Variants in SCFD2 observed in about 807,000 individuals in gnomAD.
SCFD2 encodes sec1 family domain containing 2, also known as sec1 family domain-containing protein 2.
A neutral mutation model predicts 58.9 loss-of-function variants in SCFD2; 54 were observed. That is an observed-to-expected ratio of 0.92 (90% CI 0.74 to 1.15). The LOEUF (loss-of-function observed/expected upper bound fraction) is 1.15, where lower values mean the gene tolerates loss of function less well. Ranked by LOEUF, SCFD2 falls within the 50% of genes most tolerant of loss-of-function variation. The pLI, the probability that SCFD2 is intolerant of heterozygous loss-of-function variation, is 0.00. For missense variants in SCFD2, 805 were observed against 836.6 expected, an observed-to-expected ratio of 0.96 and a Z score of 0.47; for synonymous variants, 321 against 335.9, an observed-to-expected ratio of 0.96 and a Z score of 0.49.
intron 5 of SCFD2, among the ~76,000 whole-genome samples, chr4:53,009,585 C>T (rs1348084396): frequency 6.6e-6 from 1 of 152,180 alleles, no homozygotes; most frequent in East Asian, 1.9e-4. Flanking sequence ...AAAGTCTTCA[C>T]AAATGATTAT....
chr4:53,325,965 T>C (rs1733181212), intron 2 of SCFD2, among the ~76,000 whole-genome samples: 1 of 151,994 alleles, frequency 6.6e-6, no homozygotes. Context: ...TGGCAAACCA[T>C]GACAAAGCAG....
chr4:53,045,371 C>T (rs1169990144), intron 5 of SCFD2, among the ~76,000 whole-genome samples: 1 of 152,046 alleles, frequency 6.6e-6, no homozygotes, highest in Non-Finnish European at 1.5e-5. Context: ...TTTGTAAATG[C>T]AATTTGTGTT....
Position 53,181,336 on chromosome 4 carries a change from C to G in SCFD2, c.1312-35754G>C, listed in dbSNP as rs544036078. ...TCAAGTGGGCTTCATCCCTGGGATG[C>G]AAGGCTGGTTCAACATACACAAATC... is the stretch of plus-strand genomic sequence containing the variant. On this transcript the variant is annotated intron_variant, in intron 4 of 8. Transcript: ENST00000401642. 7.4e-3 allele frequency among the ~76,000 whole-genome samples: 1,121 copies of G among 152,262 alleles called. 7 individuals are homozygous for G. The highest frequency in any genetic ancestry group is 0.026 in the African/African-American group (1,065 of 41,518).
At chr4:52,976,167 G>A (rs1041616267) in intron 5 of SCFD2, among the ~76,000 whole-genome samples, 1 of 151,986 alleles carries the variant, frequency 6.6e-6, no homozygotes, top group African/African-American at 2.4e-5. Flanking sequence ...AAAACTTAAA[G>A]TATATATAAA....
At chr4:53,269,222 G>A (rs1203499358) in intron 4 of SCFD2, among the ~76,000 whole-genome samples, 3 of 152,168 alleles carry the variant, frequency 2.0e-5, no homozygotes, top group Non-Finnish European at 4.4e-5. Flanking sequence ...CTACTCAGGA[G>A]TCTGAGGTGG....
chr4:52,879,847 T>G (rs1238878966), intron 8 of SCFD2, among the ~76,000 whole-genome samples: 11 of 152,258 alleles, frequency 7.2e-5, no homozygotes, highest in African/African-American at 2.4e-4. Flanking sequence ...ACACTCAGTA[T>G]CAAAAGGAGC....
intron 5 of SCFD2, among the ~76,000 whole-genome samples, chr4:53,097,897 C>A (rs191331372): frequency 6.6e-6 from 1 of 152,222 alleles, no homozygotes; most frequent in East Asian, 1.9e-4. Flanking sequence ...CCAATCAATA[C>A]TTAATTTATT....
At chr4:52,975,579 G>T (rs4864703) in intron 5 of SCFD2, among the ~76,000 whole-genome samples, 58,033 of 151,934 alleles carry the variant, frequency 0.38, 12,263 homozygotes, top group Admixed American at 0.54. Context: ...TTGGTGGGAC[G>T]GTAAACTAGT....
At chr4:53,338,569 A>ATTTTTTTTTTTTT (rs1454636023) in intron 2 of SCFD2, among the ~76,000 whole-genome samples, 20 of 58,364 alleles carry the variant, frequency 3.4e-4, no homozygotes, top group Non-Finnish European at 6.0e-4. Context: ...AAAGCAGTAT[A>ATTTTTTTTTTTTT]TTTTTCTTTT....
At chr4:52,875,802 CTATATATATATATATA>C (rs3052566) in intron 8 of SCFD2, among the ~76,000 whole-genome samples, 287 of 61,244 alleles carry the variant, frequency 4.7e-3, no homozygotes, top group African/African-American at 7.5e-3. Flanking sequence ...TTATCTTTAA[CTATATATATATATATA>C]TATATATATA....
intron 2 of SCFD2, among the ~76,000 whole-genome samples, chr4:53,338,379 A>G (rs1733745539): frequency 6.6e-6 from 1 of 152,028 alleles, no homozygotes; most frequent in Non-Finnish European, 1.5e-5. Context: ...TACACTAAAT[A>G]AACCCCAAAC....
chr4:53,317,723 A>C (rs1732907540), intron 2 of SCFD2, among the ~76,000 whole-genome samples: 1 of 152,174 alleles, frequency 6.6e-6, no homozygotes. Context: ...TTCTGGACCA[A>C]ACAACACAAG....
intron 5 of SCFD2, among the ~76,000 whole-genome samples, chr4:53,102,267 T>G (rs964121097): frequency 6.6e-6 from 1 of 152,168 alleles, no homozygotes; most frequent in African/African-American, 2.4e-5. Context: ...AAACTTCAAA[T>G]AGATCAGATT....
intron 5 of SCFD2, among the ~76,000 whole-genome samples, chr4:52,936,820 A>C (rs1309296967): frequency 6.6e-6 from 1 of 152,214 alleles, no homozygotes. Flanking sequence ...CGCTTCTGCA[A>C]CTTCTTTGTA....
intron 3 of SCFD2, among the ~76,000 whole-genome samples, chr4:53,284,729 A>G (rs1731611819): frequency 6.6e-6 from 1 of 152,232 alleles, no homozygotes; most frequent in South Asian, 2.1e-4. Context: ...TAAGAAAAAA[A>G]TATCCTGCTC....
At chr4:53,231,580 T>C (rs1311798797) in intron 4 of SCFD2, among the ~76,000 whole-genome samples, 1 of 152,154 alleles carries the variant, frequency 6.6e-6, no homozygotes, top group Non-Finnish European at 1.5e-5. Context: ...CTATACCCAA[T>C]CAATATATGA....
intron 5 of SCFD2, among the ~76,000 whole-genome samples, chr4:53,135,681 G>A (rs1725914983): frequency 6.6e-6 from 1 of 152,034 alleles, no homozygotes; most frequent in Non-Finnish European, 1.5e-5. Flanking sequence ...GGCAGAGGTT[G>A]CAGTGAGCCA....
At chr4:52,941,196 C>T (rs1425905635) in intron 5 of SCFD2, among the ~76,000 whole-genome samples, 1 of 152,034 alleles carries the variant, frequency 6.6e-6, no homozygotes, top group African/African-American at 2.4e-5. Flanking sequence ...TAATTGAATA[C>T]CTACTATGCA....
intron 5 of SCFD2, among the ~76,000 whole-genome samples, chr4:53,012,833 TG>T (rs1184378834): frequency 0.087 from 9,646 of 110,892 alleles, 326 homozygotes; most frequent in African/African-American, 0.14. Context: ...TGTGTGTGTG[TG>T]TGTTTTTTTT....
Sources: gnomAD v4.1 joint callset for allele counts (sites outside exome capture counted in the v4.1 genomes callset) on GRCh38, gnomAD v4.1.1 for gene constraint, MANE v1.5 for transcripts, NCBI Gene and HGNC (gene_info 2026-07-23, HGNC 2026-07-21) for gene names.